Variants in IFT88 observed in about 807,000 individuals in gnomAD.
IFT88 encodes the protein intraflagellar transport protein 88 homolog.
In IFT88, 74 loss-of-function variants were observed where a neutral mutation model predicts 119.5. The ratio of observed to expected loss-of-function variants is 0.62; its 90% CI spans 0.51 to 0.75. The LOEUF is 0.75. Among genes scored for constraint, IFT88 ranks in the 30% least tolerant of loss-of-function variants. IFT88 has a pLI of 0.00. For missense variants in IFT88, 961 were observed against 977.7 expected, an observed-to-expected ratio of 0.98 and a Z score of 0.23; for synonymous variants, 279 against 316.7, an observed-to-expected ratio of 0.88 and a Z score of 1.26.
At chr13:20,582,402 C>A (rs184997195) in intron 2 of IFT88, among the ~76,000 whole-genome samples, 4 of 152,024 alleles carry the variant, frequency 2.6e-5, no homozygotes, top group Non-Finnish European at 4.4e-5. Flanking sequence ...CTTGTTGAGC[C>A]CCCCCATTTG....
At chr13:20,597,944 G>C (rs1290029195) in intron 9 of IFT88, among the ~76,000 whole-genome samples, 1 of 151,760 alleles carries the variant, frequency 6.6e-6, no homozygotes, top group Non-Finnish European at 1.5e-5. Flanking sequence ...TGTTCTATGA[G>C]GGTAGTGGGG....
intron 12 of IFT88, among the ~76,000 whole-genome samples, chr13:20,604,405 A>G (rs1221285656): frequency 6.6e-6 from 1 of 152,188 alleles, no homozygotes; most frequent in African/African-American, 2.4e-5. Context: ...TAAGTAATTG[A>G]TGATTGAAGC....
chr13:20,663,158 A>G, intron 22 of IFT88: 1 of 924,444 alleles, frequency 1.1e-6, no homozygotes, highest in Non-Finnish European at 1.4e-6. Flanking sequence ...AGTCTCTCTT[A>G]TAGCTCTTTA....
At chr13:20,657,900 A>G (rs2053120384) in intron 22 of IFT88, among the ~76,000 whole-genome samples, 1 of 152,174 alleles carries the variant, frequency 6.6e-6, no homozygotes, top group Admixed American at 6.5e-5. Flanking sequence ...TAGATGTACT[A>G]CGTGTTTCTT....
At chr13:20,641,238 T>G (rs1363274901) in intron 17 of IFT88, 52 bp from the exon 18 acceptor site, 2 of 910,546 alleles carry the variant, frequency 2.2e-6, no homozygotes, top group Non-Finnish European at 3.4e-6. Flanking sequence ...TTAAATAAAT[T>G]AATACCAATA....
intron 16 of IFT88, among the ~76,000 whole-genome samples, chr13:20,637,800 C>G (rs949820473): frequency 1.3e-5 from 2 of 152,178 alleles, no homozygotes; most frequent in African/African-American, 4.8e-5. Context: ...AATGTAGTTC[C>G]TGGCTTAACC....
rs1566313023 is a variant in IFT88 at position 20,641,272 on chromosome 13, T to A, written c.1574-18T>A. ...TAATGATACTTATAGATTTTCTTTTTTTTCTTCTTTTTTTAAGGCCTTACC... is the reference window on the plus strand; with the variant it reads ...TAATGATACTTATAGATTTTCTTTTATTTCTTCTTTTTTTAAGGCCTTACC... On this transcript the variant is annotated intron_variant, in intron 17 of 25. Coordinates refer to ENST00000351808, the MANE Select transcript of IFT88 (RefSeq NM_006531.5). 1 of 1,457,548 alleles carries A rather than the reference T, an allele frequency of 6.9e-7. No homozygotes were observed. Among genetic ancestry groups the A allele is most frequent in the Admixed American group, 1.8e-5 (1 of 54,842 alleles). The allele number at this position is 1,457,548 out of a possible 1,614,324, so 90.3% of individuals were successfully genotyped here. A position where few individuals can be genotyped will look rare whatever the true frequency, so the allele number is the denominator to read the frequency against.
intron 13 of IFT88, among the ~76,000 whole-genome samples, chr13:20,608,604 C>T (rs1162621597): frequency 1.3e-5 from 2 of 152,184 alleles, no homozygotes; most frequent in East Asian, 3.9e-4. Flanking sequence ...TGCTTGAGAA[C>T]GTCAGACTGG....
chr13:20,605,580 G>A (rs77898574), intron 13 of IFT88, among the ~76,000 whole-genome samples: 1,789 of 152,056 alleles, frequency 0.012, 37 homozygotes, highest in African/African-American at 0.042. Flanking sequence ...CAACACTTCT[G>A]ACACCAAATG....
intron 1 of IFT88, among the ~76,000 whole-genome samples, chr13:20,573,531 T>C (rs1004648417): frequency 6.6e-6 from 1 of 152,192 alleles, no homozygotes; most frequent in Non-Finnish European, 1.5e-5. Flanking sequence ...TTTGTAGACA[T>C]ATGTTTTCAT....
chr13:20,631,315 G>GA lies in IFT88; in HGVS notation c.1386+215dup, dbSNP rs146155488. 8.9e-4 allele frequency: 446 copies of GA among 498,442 alleles called. 3 individuals carry two copies. In the East Asian group the frequency reaches 0.014, roughly 15 times the overall value. 30.9% of individuals were successfully genotyped at this position (498,442 alleles called of 1,614,324 possible). ...ACACCATCTCTGAAGGAGAAGGGAG[G>GA]AAGAAAAATTGTAGTGATAAGCATC... On this transcript the variant is annotated intron_variant, in intron 16 of 25. Transcript: ENST00000351808.
chr13:20,620,962 C>G (rs536793276), intron 14 of IFT88, among the ~76,000 whole-genome samples: 60 of 152,356 alleles, frequency 3.9e-4, no homozygotes, highest in Non-Finnish European at 6.8e-4. Flanking sequence ...ACTCACCAGA[C>G]AGCCAGCCTG....
intron 20 of IFT88, among the ~76,000 whole-genome samples, chr13:20,645,744 A>G (rs921978695): frequency 1.3e-5 from 2 of 152,222 alleles, no homozygotes; most frequent in African/African-American, 4.8e-5. Context: ...GGAATACATC[A>G]TCTTCTGCTT....
intron 20 of IFT88, among the ~76,000 whole-genome samples, chr13:20,650,345 C>G (rs954530658): frequency 6.6e-6 from 1 of 152,106 alleles, no homozygotes; most frequent in African/African-American, 2.4e-5. Context: ...TTTAATACTT[C>G]ACATTAATAG....
At chr13:20,657,336 CAT>C (rs1445719017) in intron 22 of IFT88, among the ~76,000 whole-genome samples, 4 of 152,036 alleles carry the variant, frequency 2.6e-5, no homozygotes, top group African/African-American at 9.7e-5. Flanking sequence ...TCAAGAAAAA[CAT>C]AAAGTAAGCA....
chr13:20,586,056 C>T lies in IFT88; in HGVS notation c.153+3037C>T, dbSNP rs78874570. 8.4e-3 allele frequency among the ~76,000 whole-genome samples: 1,282 copies of T among 152,250 alleles called. 13 individuals carry two copies. The highest frequency in any genetic ancestry group is 0.024 in the Middle Eastern group (7 of 294). The stretch of plus-strand genomic sequence containing the variant: ...TTTAATTAAGTGATTTCAGGGATCA[C>T]GTAACAGGTGATAATTTTGCCAGGT... On this transcript the variant is annotated intron_variant, in intron 3 of 25. Coordinates refer to ENST00000351808, the MANE Select transcript of IFT88 (RefSeq NM_006531.5).
At chr13:20,660,267 G>A (rs1016445796) in intron 22 of IFT88, among the ~76,000 whole-genome samples, 2 of 152,112 alleles carry the variant, frequency 1.3e-5, no homozygotes, top group African/African-American at 2.4e-5. Context: ...AAGCCATGAC[G>A]ATATGGAGGT....
intron 3 of IFT88, among the ~76,000 whole-genome samples, chr13:20,589,571 G>A (rs112757443): frequency 8.0e-4 from 121 of 152,038 alleles, no homozygotes; most frequent in African/African-American, 2.8e-3. Flanking sequence ...CTTTCTTATC[G>A]GCACCTCAGA....
intron 2 of IFT88, among the ~76,000 whole-genome samples, chr13:20,574,774 T>A (rs2037050644): frequency 6.6e-6 from 1 of 152,202 alleles, no homozygotes; most frequent in African/African-American, 2.4e-5. Context: ...TATTTAAAAT[T>A]AGGGTTTTAA....
Sources: allele counts gnomAD v4.1 joint callset (sites outside exome capture counted in the v4.1 genomes callset), GRCh38; gene constraint gnomAD v4.1.1; transcripts MANE v1.5; gene names NCBI Gene and HGNC (gene_info 2026-07-23, HGNC 2026-07-21).